Variants in PTPRN2 observed in about 807,000 individuals in gnomAD.
PTPRN2 encodes the protein receptor-type tyrosine-protein phosphatase N2.
Under a neutral mutation model 118.8 loss-of-function variants are expected in PTPRN2, and 74 were observed. That is an observed-to-expected ratio of 0.62 (90% CI 0.52 to 0.76). The LOEUF (loss-of-function observed/expected upper bound fraction) is 0.76. Among genes scored for constraint, PTPRN2 ranks in the 30% least tolerant of loss-of-function variants. The pLI, the probability that PTPRN2 is intolerant of heterozygous loss-of-function variation, is 0.00. For missense variants in PTPRN2, 1,481 were observed against 1,394.4 expected (o/e 1.06, Z -0.99); for synonymous variants, 641 against 608.0 (o/e 1.05, Z -0.80).
chr7:158,070,361 C>CTGGTGGTGGAGGTGCCCG (rs1811142503), intron 11 of PTPRN2, among the ~76,000 whole-genome samples: 2 of 104,102 alleles, frequency 1.9e-5, no homozygotes, highest in Non-Finnish European at 3.8e-5. Context: ...GGAGGTGCCC[C>CTGGTGGTGGAGGTGCCCG]TGGTGGTGGA....
At chr7:157,681,099 C>A (rs1322555055) in intron 13 of PTPRN2, among the ~76,000 whole-genome samples, 2 of 151,978 alleles carry the variant, frequency 1.3e-5, no homozygotes, top group Non-Finnish European at 2.9e-5. Flanking sequence ...TTTCAACCTG[C>A]AGTTTTTTTT....
In PTPRN2 at chr7:157,560,303, G is replaced by GA. The variant is rs1159139306; in HGVS notation, c.2902+8598dup. ...TGAGGACGGCTCCATGCACAGGGAC[G>GA]AAGACCCCCGAGGAGACCATCGAAG... is the stretch of plus-strand genomic sequence containing the variant. On this transcript the variant is annotated intron_variant, in intron 21 of 22. Transcript: ENST00000389418. This position sits in a 1 kb window ranked among gnomAD's most constrained non-coding sequence, Gnocchi z 6.7. Among the ~76,000 whole-genome samples, 1 of 152,128 alleles carries GA rather than the reference G, an allele frequency of 6.6e-6. No homozygotes were observed. The highest frequency in any genetic ancestry group is 6.5e-5 in the Admixed American group (1 of 15,272).
intron 1 of PTPRN2, among the ~76,000 whole-genome samples, chr7:158,566,470 G>A (rs545910356): frequency 6.6e-6 from 1 of 152,298 alleles, no homozygotes; most frequent in South Asian, 2.1e-4. Flanking sequence ...CCCATAGCGG[G>A]CACTTGGCAG....
At chr7:157,782,240 A>G (rs1373477648) in intron 12 of PTPRN2, among the ~76,000 whole-genome samples, 15 of 152,234 alleles carry the variant, frequency 9.9e-5, no homozygotes, top group Admixed American at 9.8e-4. Flanking sequence ...TTGTTCATGT[A>G]AGAATTCAGC....
rs1187909465 is a variant in PTPRN2 at position 158,219,745 on chromosome 7, G to T, written c.278-14472C>A. 7.2e-5 allele frequency among the ~76,000 whole-genome samples: 11 copies of T among 151,902 alleles called. No individual in the cohort carries two copies. The South Asian group carries it at 1.0e-3, about 14-fold the overall frequency. On this transcript the variant is annotated intron_variant, in intron 3 of 22. Coordinates refer to ENST00000389418, the MANE Select transcript of PTPRN2 (RefSeq NM_002847.5). ...CAAGAAAACCTTTTAGGTTTTCTGG[G>T]TTTTTTCCATTTCTTCTAGAACACC... is the stretch of plus-strand genomic sequence containing the variant.
rs560215565 is a variant in PTPRN2, at chr7:158,489,603, C to T, written c.163+132G>A. 2.5e-3 allele frequency: 2,196 copies of T among 893,038 alleles called. 21 individuals are homozygous for T. Among genetic ancestry groups the T allele is most frequent in the South Asian group, 0.016 (790 of 48,060 alleles). The allele number at this position is 893,038 out of a possible 1,614,324, so 55.3% of individuals were successfully genotyped here. A position where few individuals can be genotyped will look rare whatever the true frequency, so the allele number is the denominator to read the frequency against. On this transcript the variant is annotated intron_variant, in intron 2 of 22. Transcript: ENST00000389418. ...CAGCCCATGGCTCCGGGGTTCCATCCGCCTCCTCTCGGCAGCGCGCCCCGG... is the reference window on the plus strand; with the variant it reads ...CAGCCCATGGCTCCGGGGTTCCATCTGCCTCCTCTCGGCAGCGCGCCCCGG...
At chr7:158,573,998 C>T (rs1044446799) in intron 1 of PTPRN2, among the ~76,000 whole-genome samples, 10 of 152,152 alleles carry the variant, frequency 6.6e-5, no homozygotes, top group African/African-American at 1.7e-4. Context: ...GTTAATAAGA[C>T]AAATACAAGA....
rs527439149 is a variant in PTPRN2 at position 157,785,362 on chromosome 7, A to T, written c.1789-102425T>A. ...AACCCCAAAGCCACTGAGTGAAAAC[A>T]GACCACGGTGCTCCAAAACGAAATC... On this transcript the variant is annotated intron_variant, in intron 12 of 22. Transcript: ENST00000389418. This position sits in a 1 kb window ranked among gnomAD's most constrained non-coding sequence, Gnocchi z 7.3. Among the ~76,000 whole-genome samples, 1 of 152,310 alleles carries T rather than the reference A, an allele frequency of 6.6e-6. No homozygotes were observed. Among genetic ancestry groups the T allele is most frequent in the Non-Finnish European group, 1.5e-5 (1 of 68,022 alleles).
intron 6 of PTPRN2, among the ~76,000 whole-genome samples, chr7:158,143,803 T>C (rs1819617921): frequency 6.6e-6 from 1 of 152,154 alleles, no homozygotes; most frequent in African/African-American, 2.4e-5. Context: ...AGATCCCTTC[T>C]GCCCTCCCAA....
intron 11 of PTPRN2, among the ~76,000 whole-genome samples, chr7:157,983,983 G>A (rs961529475): frequency 1.3e-5 from 2 of 152,058 alleles, no homozygotes; most frequent in African/African-American, 2.4e-5. Context: ...CTCACCCAGC[G>A]CCGCGAGCAT....
At chr7:158,488,619 G>T (rs1821201453) in intron 2 of PTPRN2, among the ~76,000 whole-genome samples, 1 of 152,218 alleles carries the variant, frequency 6.6e-6, no homozygotes, top group South Asian at 2.1e-4. Flanking sequence ...GGGGAGGCCT[G>T]TCCTGAAAGG....
At chr7:158,101,927 C>T (rs1045238658) in intron 10 of PTPRN2, among the ~76,000 whole-genome samples, 5 of 152,178 alleles carry the variant, frequency 3.3e-5, no homozygotes, top group South Asian at 2.1e-4. Flanking sequence ...AGCGGCAGGC[C>T]CATCTCTGCC....
At chr7:157,549,793 G>T (rs1798502830) in intron 21 of PTPRN2, among the ~76,000 whole-genome samples, 1 of 152,178 alleles carries the variant, frequency 6.6e-6, no homozygotes, top group Admixed American at 6.5e-5. Context: ...GGACACAGCC[G>T]CCAGGATGAG....
At position 157,654,849 on chromosome 7, in the gene PTPRN2, C is replaced by T. The variant is rs188914025; in HGVS notation, c.2196+1508G>A. ...CAGAACACAATGAGAGCTCGCTAAG[C>T]GGCTCTCCTCTTGGCTGACCTGTCA... On this transcript the variant is annotated intron_variant, in intron 14 of 22. Coordinates refer to ENST00000389418, the MANE Select transcript of PTPRN2 (RefSeq NM_002847.5). Among the ~76,000 whole-genome samples the T allele has an allele frequency of 9.2e-5, 14 of 152,346 alleles. No homozygotes were observed. In the East Asian group the frequency reaches 1.5e-3, roughly 17 times the overall value.
At chr7:158,290,684 C>T (rs1022191856) in intron 3 of PTPRN2, among the ~76,000 whole-genome samples, 5 of 152,166 alleles carry the variant, frequency 3.3e-5, no homozygotes, top group African/African-American at 1.2e-4. Flanking sequence ...TCTCTCACCA[C>T]AACATGCTGC....
chr7:158,131,546 C>T (rs1818293868), intron 9 of PTPRN2, among the ~76,000 whole-genome samples: 1 of 149,796 alleles, frequency 6.7e-6, no homozygotes, highest in South Asian at 2.1e-4. Flanking sequence ...CACACGGGTA[C>T]ATACAAACTG....
rs536441386 is a variant in PTPRN2 at position 157,725,140 on chromosome 7, T to C, written c.1789-42203A>G. Among the ~76,000 whole-genome samples, 100 of 151,814 alleles carry C rather than the reference T, an allele frequency of 6.6e-4. 1 individual carries two copies. Among genetic ancestry groups the C allele is most frequent in the Middle Eastern group, 7.0e-3 (2 of 286 alleles). On this transcript the variant is annotated intron_variant, in intron 12 of 22. Transcript: ENST00000389418. Reference sequence around the variant, plus strand: ...CAGGTGGTTCTGGGAGAACTGGATATCTACACGCAGAGGAGTGAGCCAGAC... The same window carrying C: ...CAGGTGGTTCTGGGAGAACTGGATACCTACACGCAGAGGAGTGAGCCAGAC...
intron 12 of PTPRN2, among the ~76,000 whole-genome samples, chr7:157,754,135 G>A (rs1801646257): frequency 6.6e-6 from 1 of 152,252 alleles, no homozygotes; most frequent in Non-Finnish European, 1.5e-5. Context: ...ATCGTCCACT[G>A]TGGGCTCAGG....
intron 13 of PTPRN2, among the ~76,000 whole-genome samples, chr7:157,677,632 T>C (rs1393095429): frequency 1.3e-5 from 2 of 152,236 alleles, no homozygotes; most frequent in Non-Finnish European, 2.9e-5. Context: ...GAAGATTCCA[T>C]GGAGCCTGCA....
Sources: gnomAD v4.1 joint callset for allele counts (sites outside exome capture counted in the v4.1 genomes callset) on GRCh38, gnomAD v4.1.1 for gene constraint, Gnocchi (gnomAD v3.1) non-coding constraint, MANE v1.5 for transcripts, NCBI Gene and HGNC (gene_info 2026-07-23, HGNC 2026-07-21) for gene names.